Variants in LRRC40 observed in about 807,000 individuals in gnomAD.
The protein encoded by LRRC40 is leucine rich repeat containing 40, also known as leucine-rich repeat-containing protein 40.
In LRRC40, 76 loss-of-function variants were observed where a neutral mutation model predicts 72.8. That is an observed-to-expected ratio of 1.04 (90% CI 0.87 to 1.26). LRRC40 has a LOEUF of 1.26. Ranked by LOEUF, LRRC40 falls within the 50% of genes most tolerant of loss-of-function variation. LRRC40 has a pLI of 0.00. For missense variants in LRRC40, 684 were observed against 698.9 expected (o/e 0.98, Z 0.24); for synonymous variants, 243 against 254.2 (o/e 0.96, Z 0.42).
intron 7 of LRRC40, among the ~76,000 whole-genome samples, chr1:70,174,547 G>A (rs1447551073): frequency 6.6e-6 from 1 of 152,028 alleles, no homozygotes; most frequent in Non-Finnish European, 1.5e-5. Context: ...ACTAACTACT[G>A]AAAAGACACA....
intron 9 of LRRC40, among the ~76,000 whole-genome samples, chr1:70,170,577 T>C (rs1000237886): frequency 1.3e-5 from 2 of 152,164 alleles, no homozygotes; most frequent in East Asian, 1.9e-4. Context: ...TGTATTCCTA[T>C]ACAGTTGCAA....
In LRRC40 at chr1:70,145,922, A is replaced by T; in HGVS notation, c.1704-17T>A. The T allele has an allele frequency of 8.0e-7, 1 of 1,256,886 alleles. No individual in the cohort carries two copies. Among genetic ancestry groups the T allele is most frequent in the Admixed American group, 1.9e-5 (1 of 53,882 alleles). 77.9% of individuals were successfully genotyped at this position (1,256,886 alleles called of 1,614,324 possible). Reference sequence around the variant, plus strand: ...AGTAATGTTCTAAACAAAAGAGAGAAATTGAGAATGTAAACATTTTCCATT... The same window carrying T: ...AGTAATGTTCTAAACAAAAGAGAGATATTGAGAATGTAAACATTTTCCATT... On this transcript the variant is annotated splice_polypyrimidine_tract_variant and intron_variant, in intron 14 of 14. Coordinates refer to ENST00000370952, the MANE Select transcript of LRRC40 (RefSeq NM_017768.5).
chr1:70,151,383 G>A (rs188880087), intron 12 of LRRC40, among the ~76,000 whole-genome samples, 178 bp from the exon 13 acceptor site: 1 of 152,154 alleles, frequency 6.6e-6, no homozygotes, highest in Non-Finnish European at 1.5e-5. Context: ...GCAGTTATTC[G>A]GTTAGTATGC....
At chr1:70,167,243 A>G (rs531087627) in intron 9 of LRRC40, among the ~76,000 whole-genome samples, 25 of 151,690 alleles carry the variant, frequency 1.6e-4, no homozygotes, top group African/African-American at 5.6e-4. Context: ...AAAAAAAAAA[A>G]AAAAGAAAAA....
At chr1:70,183,940 T>C (rs1025658954) in intron 4 of LRRC40, among the ~76,000 whole-genome samples, 1 of 152,152 alleles carries the variant, frequency 6.6e-6, no homozygotes, top group Non-Finnish European at 1.5e-5. Context: ...TAAATGTCTA[T>C]TGTTTTTATT....
At chr1:70,165,797 C>T (rs1667867569) in intron 9 of LRRC40, among the ~76,000 whole-genome samples, 1 of 152,096 alleles carries the variant, frequency 6.6e-6, no homozygotes, top group South Asian at 2.1e-4. Flanking sequence ...CCCATTACCC[C>T]AAAATCCAGA....
chr1:70,197,507 G>C (rs1196456589), intron 1 of LRRC40, among the ~76,000 whole-genome samples: 1 of 151,560 alleles, frequency 6.6e-6, no homozygotes, highest in Non-Finnish European at 1.5e-5. Flanking sequence ...TCAAACTCCT[G>C]GTCTCAAGTG....
intron 2 of LRRC40, 68 bp from the exon 3 acceptor site, chr1:70,187,406 G>A (rs1668384591): frequency 2.5e-6 from 2 of 785,450 alleles, no homozygotes; most frequent in Admixed American, 4.8e-5. Context: ...AGCTTTGCCA[G>A]TGTACAAAAC....
chr1:70,167,230 T>TAAAAA (rs376215808), intron 9 of LRRC40, among the ~76,000 whole-genome samples: 2 of 126,938 alleles, frequency 1.6e-5, no homozygotes, highest in Admixed American at 7.7e-5. Context: ...TAAAAAGTGT[T>TAAAAA]AAAAAAAAAA....
At chr1:70,188,983 C>T (rs1412146058) in intron 2 of LRRC40, 109 bp downstream of exon 2, 6 of 828,952 alleles carry the variant, frequency 7.2e-6, no homozygotes, top group African/African-American at 5.2e-5. Context: ...AATTTACTAT[C>T]TGTCCTTGCA....
rs1268718328 is a variant in LRRC40, at chr1:70,148,675, A to G, written c.1518-3T>C. The G allele has an allele frequency of 6.3e-7, 1 of 1,586,358 alleles. No individual in the cohort carries two copies. Among genetic ancestry groups the G allele is most frequent in the East Asian group, 2.2e-5 (1 of 44,590 alleles). The stretch of plus-strand genomic sequence containing the variant: ...GAACTTCAGGTAGCATTTTAAACCT[A>G]TTAATACATGAACAGAACACCTAAA... On this transcript the variant is annotated splice_region_variant and splice_polypyrimidine_tract_variant and intron_variant, in intron 13 of 14. Coordinates refer to ENST00000370952, the MANE Select transcript of LRRC40 (RefSeq NM_017768.5).
At chr1:70,148,316 G>A (rs956909613) in intron 14 of LRRC40, among the ~76,000 whole-genome samples, 171 bp downstream of exon 14, 2 of 151,898 alleles carry the variant, frequency 1.3e-5, no homozygotes, top group African/African-American at 4.8e-5. Flanking sequence ...ATATACATTT[G>A]GTAAAATTTG....
chr1:70,156,999 A>C lies in LRRC40; in HGVS notation c.1221-1203T>G, dbSNP rs74085972. On this transcript the variant is annotated intron_variant, in intron 10 of 14. Coordinates refer to ENST00000370952, the MANE Select transcript of LRRC40 (RefSeq NM_017768.5). ...ATTTAACTGTTTTTTTAATGTAATAATTAGCCATTATCCTTACATTCTTCT... is the reference window on the plus strand; with the variant it reads ...ATTTAACTGTTTTTTTAATGTAATACTTAGCCATTATCCTTACATTCTTCT... 4.8e-3 allele frequency among the ~76,000 whole-genome samples: 734 copies of C among 152,308 alleles called. 6 individuals are homozygous for C. Among genetic ancestry groups the C allele is most frequent in the African/African-American group, 0.017 (688 of 41,554 alleles).
Position 70,205,510 on chromosome 1 carries a change from C to T in LRRC40, c.31G>A (p.Asp11Asn), listed in dbSNP as rs780068722. The change falls in exon 1 of 15, where the codon GAT becomes AAT. Residue 11 changes from aspartate (D) to asparagine (N), a missense_variant. Physicochemically the swap from Asp to Asn is conservative, Grantham distance 23. Coordinates refer to ENST00000370952, the MANE Select transcript of LRRC40 (RefSeq NM_017768.5). ...CCTGCTTTGAAACCAGCGCGGAGAT[C>T]CTGCCCCGCTATCCGCTTCAGGCGC... is the stretch of plus-strand genomic sequence containing the variant. MSRLKRIAGQ[D>N]LRAGFKAGGR... is the part of the protein sequence containing the mutation. 6.2e-7 allele frequency: 1 copy of T among 1,601,392 alleles called. No homozygotes were observed. The highest frequency in any genetic ancestry group is 8.5e-7 in the Non-Finnish European group (1 of 1,170,038).
chr1:70,179,085 A>G, intron 5 of LRRC40, 92 bp from the exon 6 acceptor site: 2 of 612,788 alleles, frequency 3.3e-6, no homozygotes, highest in Non-Finnish European at 5.2e-6. Context: ...AGAAATCGCT[A>G]TGAGGACTTA....
chr1:70,200,117 T>C (rs1166990904), intron 1 of LRRC40, among the ~76,000 whole-genome samples: 1 of 152,164 alleles, frequency 6.6e-6, no homozygotes, highest in Non-Finnish European at 1.5e-5. Context: ...ATTTTAACTG[T>C]TTTTCATTAT....
At chr1:70,167,062 G>A (rs960218326) in intron 9 of LRRC40, among the ~76,000 whole-genome samples, 2 of 152,030 alleles carry the variant, frequency 1.3e-5, no homozygotes, top group African/African-American at 4.8e-5. Flanking sequence ...TTTGGCCAAT[G>A]GGCTTTCAAT....
chr1:70,159,475 A>T, intron 9 of LRRC40, 37 bp from the exon 10 acceptor site: 1 of 865,750 alleles, frequency 1.2e-6, no homozygotes, highest in South Asian at 1.6e-5. Context: ...CAATATTTAT[A>T]CTACAAAGTC....
chr1:70,148,922 CA>C (rs1229978080), intron 13 of LRRC40, among the ~76,000 whole-genome samples: 22 of 152,252 alleles, frequency 1.4e-4, no homozygotes, highest in Admixed American at 1.4e-3. Flanking sequence ...AGCAAAACTT[CA>C]GAGTAAATTC....
Sources: allele counts gnomAD v4.1 joint callset (sites outside exome capture counted in the v4.1 genomes callset), GRCh38; gene constraint gnomAD v4.1.1; transcripts MANE v1.5; gene names NCBI Gene and HGNC (gene_info 2026-07-23, HGNC 2026-07-21).